ZNF407: variants seen among roughly 807,000 people sequenced by gnomAD.
ZNF407 encodes zinc finger protein 407.
Under a neutral mutation model 131.2 loss-of-function variants are expected in ZNF407, and 17 were observed. That is an observed-to-expected ratio of 0.13 (90% CI 0.09 to 0.19). ZNF407 has a LOEUF of 0.19. Ranked by LOEUF, ZNF407 falls within the 10% of genes least tolerant of loss-of-function variation. ZNF407 has a pLI of 1.00. For missense variants in ZNF407, 2,681 were observed against 2,830.6 expected, an observed-to-expected ratio of 0.95 and a Z score of 1.20; for synonymous variants, 1,156 against 1,062.0, an observed-to-expected ratio of 1.09 and a Z score of -1.72.
chr18:75,017,079 T>G (rs184137886), intron 8 of ZNF407, among the ~76,000 whole-genome samples: 116 of 152,270 alleles, frequency 7.6e-4, no homozygotes, highest in Admixed American at 1.3e-3. Flanking sequence ...CCATAAATAC[T>G]TATTGAGCAT....
At chr18:74,702,031 C>A (rs9675971) in intron 3 of ZNF407, among the ~76,000 whole-genome samples, 1 of 152,020 alleles carries the variant, frequency 6.6e-6, no homozygotes, top group African/African-American at 2.4e-5. Flanking sequence ...CATTATTATA[C>A]TGAAAATATC....
chr18:74,640,719 A>C (rs537282), intron 2 of ZNF407, among the ~76,000 whole-genome samples: 30,192 of 152,096 alleles, frequency 0.2, 3,831 homozygotes, highest in African/African-American at 0.37. Flanking sequence ...AAATATTTAA[A>C]ATTATGTAGC....
chr18:74,898,299 G>T (rs1217797426), intron 7 of ZNF407: 2 of 151,966 alleles, frequency 1.3e-5, no homozygotes, highest in Non-Finnish European at 2.9e-5. Context: ...TTACATCTTT[G>T]TCTTCTTAAT....
rs1984687785 is a variant in ZNF407, at chr18:74,641,034, T to C, written c.4714T>C (p.Cys1572Arg). The stretch of plus-strand genomic sequence containing the variant: ...ATCAAAACCATTCAAGTGCAAGATA[T>C]GCCATTTTGCAACAGCTCAGCTTGG... ...TGSKPFKCKI[C>R]HFATAQLGDA... Residue 1572 changes from cysteine (C) to arginine (R), a missense_variant, in exon 3 of 9, where the codon TGC (cysteine) becomes CGC (arginine). Physicochemically the swap from Cys to Arg is radical, Grantham distance 180. Transcript: ENST00000299687. 1 of 1,613,200 alleles carries C rather than the reference T, an allele frequency of 6.2e-7. No homozygotes were observed. Among genetic ancestry groups the C allele is most frequent in the African/African-American group, 1.3e-5 (1 of 74,910 alleles).
chr18:74,910,883 TTC>T (rs112669442), intron 7 of ZNF407, among the ~76,000 whole-genome samples: 4,201 of 152,182 alleles, frequency 0.028, 202 homozygotes, highest in African/African-American at 0.092. Context: ...ACTGCAGGTG[TTC>T]TCTGACTCCT....
chr18:74,633,119 C>A lies in ZNF407; in HGVS notation c.2100C>A (p.Ser700=). The change falls in exon 2 of 9, where the codon TCC becomes TCA. Residue 700 remains serine, a synonymous_variant. Coordinates refer to ENST00000299687, the MANE Select transcript of ZNF407 (RefSeq NM_017757.3). ...RVSHGNEVRH[S]SKPQFQCKKC... ...GCCATGGTAATGAAGTGAGGCATTC[C>A]AGTAAGCCTCAGTTTCAGTGTAAGA... 1 of 1,613,182 alleles carries A rather than the reference C, an allele frequency of 6.2e-7. No homozygotes were observed. The highest frequency in any genetic ancestry group is 8.5e-7 in the Non-Finnish European group (1 of 1,179,622).
chr18:74,996,077 CAAAT>C (rs1972776838), intron 8 of ZNF407, among the ~76,000 whole-genome samples: 2 of 152,096 alleles, frequency 1.3e-5, no homozygotes, highest in African/African-American at 2.4e-5. Context: ...TAATACTAAA[CAAAT>C]AGTGTTCAGT....
intron 3 of ZNF407, among the ~76,000 whole-genome samples, chr18:74,693,175 C>T (rs897502300): frequency 1.3e-5 from 2 of 152,210 alleles, no homozygotes; most frequent in Non-Finnish European, 2.9e-5. Context: ...TATTTCTTCT[C>T]CCATTGGAAG....
chr18:74,906,531 T>C (rs1971597389), intron 7 of ZNF407, among the ~76,000 whole-genome samples: 1 of 152,368 alleles, frequency 6.6e-6, no homozygotes, highest in Admixed American at 6.5e-5. Context: ...CTTAAAGATA[T>C]TTTTATGAAT....
intron 4 of ZNF407, among the ~76,000 whole-genome samples, chr18:74,852,088 A>G (rs1970792701): frequency 6.6e-6 from 1 of 152,150 alleles, no homozygotes; most frequent in South Asian, 2.1e-4. Context: ...CTACCGCGGC[A>G]GAGAATAGGA....
chr18:74,751,697 T>G (rs955091086), intron 3 of ZNF407, among the ~76,000 whole-genome samples: 2 of 152,202 alleles, frequency 1.3e-5, no homozygotes, highest in African/African-American at 4.8e-5. Flanking sequence ...ACAAAGGACA[T>G]GAACTCATCC....
chr18:74,807,584 A>G (rs925362793), intron 4 of ZNF407, among the ~76,000 whole-genome samples: 2 of 152,232 alleles, frequency 1.3e-5, no homozygotes, highest in African/African-American at 4.8e-5. Flanking sequence ...ACAGGATATA[A>G]TTTCAAGTGT....
chr18:74,993,354 G>T lies in ZNF407; in HGVS notation c.5429-69796G>T, dbSNP rs1345863778. 3.3e-5 allele frequency among the ~76,000 whole-genome samples: 5 copies of T among 152,180 alleles called. 1 individual carries two copies. The highest frequency in any genetic ancestry group is 1.2e-4 in the African/African-American group (5 of 41,438). ...TATGGATGCACTACATTATGGATGA[G>T]TCTCAAAAGTGTGCTAAGCAAAAGC... is the stretch of plus-strand genomic sequence containing the variant. On this transcript the variant is annotated intron_variant, in intron 8 of 8. Transcript: ENST00000299687.
intron 3 of ZNF407, among the ~76,000 whole-genome samples, chr18:74,672,445 C>CTGTTCATTGGGGCACTGTT (rs1986179941): frequency 6.9e-6 from 1 of 144,878 alleles, no homozygotes; most frequent in Non-Finnish European, 1.5e-5. Flanking sequence ...CACTGTTTGT[C>CTGTTCATTGGGGCACTGTT]TGTTCATTGG....
chr18:74,924,571 A>G (rs1444000966), intron 8 of ZNF407, among the ~76,000 whole-genome samples: 2 of 152,126 alleles, frequency 1.3e-5, no homozygotes. Context: ...TTGCCCATCC[A>G]TAAATAAGCT....
In ZNF407 at chr18:74,920,513, GGTCAAACTGTGCT is replaced by G; in HGVS notation, c.5251_5263del (p.Ser1751LysfsTer38). 1 of 1,570,072 alleles carries G rather than the reference GGTCAAACTGTGCT, an allele frequency of 6.4e-7. No individual in the cohort carries two copies. Among genetic ancestry groups the G allele is most frequent in the East Asian group, 2.3e-5 (1 of 43,822 alleles). On this transcript the variant is annotated frameshift_variant and splice_region_variant, in exon 8 of 9. Coordinates refer to ENST00000299687, the MANE Select transcript of ZNF407 (RefSeq NM_017757.3). LOFTEE classifies it high-confidence loss of function. The stretch of plus-strand genomic sequence containing the variant: ...ATTTACTTTTCTGTCTTACTTGGTA[GGTCAAACTGTGCT>G]GAAAATATCCGCAAACACATTCTGC...
intron 3 of ZNF407, among the ~76,000 whole-genome samples, chr18:74,759,837 G>C (rs1322457702): frequency 1.4e-5 from 2 of 146,270 alleles, no homozygotes; most frequent in Non-Finnish European, 3.0e-5. Flanking sequence ...TATGATGCTA[G>C]TTGAGTTAGT....
At chr18:74,943,099 G>C (rs1025589164) in intron 8 of ZNF407, among the ~76,000 whole-genome samples, 3 of 151,660 alleles carry the variant, frequency 2.0e-5, no homozygotes, top group African/African-American at 7.3e-5. Flanking sequence ...TGTACTTTTA[G>C]TAGAGACGGG....
At chr18:74,600,603 A>C (rs2144599636) in intron 1 of ZNF407, among the ~76,000 whole-genome samples, 1 of 152,322 alleles carries the variant, frequency 6.6e-6, no homozygotes, top group Admixed American at 6.5e-5. Context: ...CAGCATAACC[A>C]CTGAACCTGG....
Sources: gnomAD v4.1 joint callset for allele counts (sites outside exome capture counted in the v4.1 genomes callset) on GRCh38, gnomAD v4.1.1 for gene constraint, MANE v1.5 for transcripts, NCBI Gene and HGNC (gene_info 2026-07-23, HGNC 2026-07-21) for gene names.